Variants in CSMD1 observed in about 807,000 individuals in gnomAD.
The protein encoded by CSMD1 is CUB and Sushi multiple domains 1, also known as CUB and sushi domain-containing protein 1.
Under a neutral mutation model 417.5 loss-of-function variants are expected in CSMD1, and 213 were observed. The observed-to-expected ratio is 0.51, with a 90% CI of 0.46 to 0.57. The LOEUF (loss-of-function observed/expected upper bound fraction) is 0.57. Among genes scored for constraint, CSMD1 ranks in the 20% least tolerant of loss-of-function variants. The pLI is 0.00. For synonymous variants in CSMD1, 2,862 were observed against 1,736.8 expected (o/e 1.65, Z -16.11); for missense variants, 6,923 against 4,529.7 (o/e 1.53, Z -15.17).
intron 5 of CSMD1, among the ~76,000 whole-genome samples, chr8:3,983,135 C>CCTTTTTTTT (rs1814021662): frequency 1.5e-5 from 2 of 133,514 alleles, no homozygotes; most frequent in Non-Finnish European, 3.1e-5. Context: ...ATCTTTCTTT[C>CCTTTTTTTT]TTTTTTTTTT....
chr8:4,733,733 C>T (rs565997958), intron 1 of CSMD1, among the ~76,000 whole-genome samples: 27 of 152,258 alleles, frequency 1.8e-4, no homozygotes, highest in African/African-American at 6.5e-4. Flanking sequence ...ATGTAGGAAC[C>T]CATGAAAGTA....
chr8:3,568,321 T>TCTTTTTATAGCTGAGTAATA (rs1410102990), intron 10 of CSMD1, among the ~76,000 whole-genome samples: 2 of 152,170 alleles, frequency 1.3e-5, no homozygotes, highest in Non-Finnish European at 2.9e-5. Flanking sequence ...AGAATTTCCT[T>TCTTTTTATAGCTGAGTAATA]CTTTTTATAG....
intron 3 of CSMD1, among the ~76,000 whole-genome samples, chr8:4,238,064 G>A (rs943206437): frequency 6.6e-6 from 1 of 152,080 alleles, no homozygotes; most frequent in Non-Finnish European, 1.5e-5. Context: ...ACCCTAGGAG[G>A]CCTCAAGAGA....
At chr8:4,458,852 C>T (rs79541945) in intron 2 of CSMD1, among the ~76,000 whole-genome samples, 7 of 152,076 alleles carry the variant, frequency 4.6e-5, no homozygotes, top group African/African-American at 9.7e-5. Flanking sequence ...CTGAGGCAAG[C>T]GTAGCACTGA....
chr8:3,759,676 C>T (rs1180472141), intron 5 of CSMD1, among the ~76,000 whole-genome samples: 1 of 150,386 alleles, frequency 6.6e-6, no homozygotes, highest in Admixed American at 6.7e-5. Context: ...AGCGGACCAC[C>T]TGAGGTCAGG....
At chr8:4,297,467 C>T (rs914032833) in intron 3 of CSMD1, among the ~76,000 whole-genome samples, 4 of 152,130 alleles carry the variant, frequency 2.6e-5, no homozygotes, top group Admixed American at 6.6e-5. Context: ...CGTCCGCAAG[C>T]TAATACTTTA....
chr8:4,735,324 T>C (rs1563250828), intron 1 of CSMD1, among the ~76,000 whole-genome samples: 2 of 152,174 alleles, frequency 1.3e-5, no homozygotes, highest in Non-Finnish European at 2.9e-5. Flanking sequence ...AGCTACCAAG[T>C]TACCAAGCCA....
chr8:3,835,278 C>T (rs922241958), intron 5 of CSMD1, among the ~76,000 whole-genome samples: 8 of 151,988 alleles, frequency 5.3e-5, no homozygotes, highest in East Asian at 3.9e-4. Flanking sequence ...CATATGTTTA[C>T]TGCGGCACTA....
intron 2 of CSMD1, among the ~76,000 whole-genome samples, chr8:4,636,476 C>G (rs958844670): frequency 6.6e-6 from 1 of 152,136 alleles, no homozygotes; most frequent in Non-Finnish European, 1.5e-5. Flanking sequence ...CCTCACCCAC[C>G]TCCTATGTTC....
chr8:4,152,095 T>G (rs1473058833), intron 3 of CSMD1, among the ~76,000 whole-genome samples: 7 of 152,178 alleles, frequency 4.6e-5, no homozygotes, highest in African/African-American at 1.7e-4. Context: ...AGTCCAGATT[T>G]ATATGGGTAA....
In CSMD1 at chr8:3,726,223, T is replaced by A. The variant is rs548833725; in HGVS notation, c.932-17732A>T. On this transcript the variant is annotated intron_variant, in intron 6 of 69. Transcript: ENST00000635120. ...CCGTTGCCTGCAGCCCCAGCCAGCA[T>A]TGACTGTAAACCCATGAGAGGCTGG... Among the ~76,000 whole-genome samples the A allele has an allele frequency of 1.7e-4, 26 of 152,250 alleles. No homozygotes were observed. In the East Asian group the frequency reaches 4.3e-3, roughly 25 times the overall value.
chr8:3,285,261 A>C (rs1803058034), intron 25 of CSMD1, among the ~76,000 whole-genome samples: 3 of 152,204 alleles, frequency 2.0e-5, no homozygotes, highest in African/African-American at 7.2e-5. Flanking sequence ...CACTTATGTC[A>C]CCCTGTGTAA....
rs1288137154 is a variant in CSMD1, at chr8:4,420,854, A to T, written c.303-789T>A. Among the ~76,000 whole-genome samples, 4 of 152,148 alleles carry T rather than the reference A, an allele frequency of 2.6e-5. 1 individual carries two copies. Among genetic ancestry groups the T allele is most frequent in the Non-Finnish European group, 5.9e-5 (4 of 68,014 alleles). ...TTATTTTTTATGTTATAAAATCCAC[A>T]AACTCCTGTGCTGTGAAGCCTGGTC... On this transcript the variant is annotated intron_variant, in intron 2 of 69. Coordinates refer to ENST00000635120, the MANE Select transcript of CSMD1 (RefSeq NM_033225.6).
chr8:3,258,778 C>A (rs1800843447), intron 26 of CSMD1, among the ~76,000 whole-genome samples: 2 of 152,148 alleles, frequency 1.3e-5, no homozygotes, highest in Non-Finnish European at 2.9e-5. Flanking sequence ...AGAATGAGAT[C>A]ATGTCCTTTA....
At chr8:3,818,728 G>A (rs928094390) in intron 5 of CSMD1, among the ~76,000 whole-genome samples, 4 of 152,170 alleles carry the variant, frequency 2.6e-5, no homozygotes, top group East Asian at 1.9e-4. Context: ...CACAACCAGA[G>A]GAATTTGATC....
chr8:3,346,810 A>T (rs979157859), intron 22 of CSMD1, among the ~76,000 whole-genome samples: 2 of 152,246 alleles, frequency 1.3e-5, no homozygotes, highest in African/African-American at 4.8e-5. Flanking sequence ...CTGAATCTAA[A>T]ATGCATCATT....
At position 3,250,523 on chromosome 8, in the gene CSMD1, A is replaced by T. The variant is rs550751603; in HGVS notation, c.4154-20292T>A. On this transcript the variant is annotated intron_variant, in intron 26 of 69. Transcript: ENST00000635120. ...GAATAGTGCCGCAATAAACATACGT[A>T]TGAATGGGTCTTTATAGCAGCATGA... is the stretch of plus-strand genomic sequence containing the variant. 3.2e-3 allele frequency among the ~76,000 whole-genome samples: 483 copies of T among 152,302 alleles called. 7 individuals carry two copies. The highest frequency in any genetic ancestry group is 0.011 in the African/African-American group (466 of 41,572).
intron 3 of CSMD1, among the ~76,000 whole-genome samples, chr8:4,307,618 G>C (rs564660192): frequency 2.0e-5 from 3 of 152,088 alleles, no homozygotes; most frequent in African/African-American, 4.8e-5. Context: ...TGTGAAATAA[G>C]CAAGCTTATC....
At chr8:3,918,924 C>T (rs1198253990) in intron 5 of CSMD1, among the ~76,000 whole-genome samples, 1 of 138,620 alleles carries the variant, frequency 7.2e-6, no homozygotes, top group East Asian at 2.3e-4. Flanking sequence ...AAACTGGGTT[C>T]AGTGTGGGCT....
Sources: gnomAD v4.1 joint callset for allele counts (sites outside exome capture counted in the v4.1 genomes callset) on GRCh38, gnomAD v4.1.1 for gene constraint, MANE v1.5 for transcripts, NCBI Gene and HGNC (gene_info 2026-07-23, HGNC 2026-07-21) for gene names.